ZFYVE28: variants seen among roughly 807,000 people sequenced by gnomAD.
ZFYVE28 encodes zinc finger FYVE-type containing 28.
A neutral mutation model predicts 82.1 loss-of-function variants in ZFYVE28; 40 were observed. The ratio of observed to expected loss-of-function variants is 0.49; its 90% CI spans 0.38 to 0.63. The LOEUF is 0.63. Among genes scored for constraint, ZFYVE28 ranks in the 30% least tolerant of loss-of-function variants. The pLI is 0.00. For missense variants in ZFYVE28, 1,321 were observed against 1,242.1 expected (o/e 1.06, Z -0.96); for synonymous variants, 612 against 546.1 (o/e 1.12, Z -1.68).
intron 8 of ZFYVE28, among the ~76,000 whole-genome samples, chr4:2,292,491 C>T (rs909644009): frequency 6.6e-6 from 1 of 152,062 alleles, no homozygotes; most frequent in Non-Finnish European, 1.5e-5. Flanking sequence ...AGGGCTGTGG[C>T]GAGGGCCAGA....
intron 2 of ZFYVE28, among the ~76,000 whole-genome samples, chr4:2,344,850 C>T (rs113268524): frequency 4.8e-4 from 73 of 152,032 alleles, no homozygotes; most frequent in African/African-American, 1.7e-3. Flanking sequence ...GAGCTGAGAT[C>T]ATGCCATTGC....
At chr4:2,304,049 G>A (rs990945385) in intron 8 of ZFYVE28, among the ~76,000 whole-genome samples, 6 of 152,242 alleles carry the variant, frequency 3.9e-5, no homozygotes, top group African/African-American at 1.2e-4. Flanking sequence ...CAGAAACAGG[G>A]AAGCGGGCCC....
intron 1 of ZFYVE28, among the ~76,000 whole-genome samples, chr4:2,354,496 T>A (rs1363141773): frequency 2.7e-5 from 4 of 150,110 alleles, no homozygotes; most frequent in Non-Finnish European, 5.9e-5. Context: ...TTCACTCTTG[T>A]TGCACAGGCT....
intron 2 of ZFYVE28, among the ~76,000 whole-genome samples, chr4:2,345,289 C>A (rs1375287503): frequency 1.3e-5 from 2 of 152,036 alleles, no homozygotes; most frequent in South Asian, 2.1e-4. Context: ...CAAAATCAAG[C>A]CAGACTTGAC....
chr4:2,405,134 G>T (rs1385173929), intron 1 of ZFYVE28, among the ~76,000 whole-genome samples: 4 of 152,180 alleles, frequency 2.6e-5, no homozygotes, highest in Non-Finnish European at 4.4e-5. Context: ...GCATATCCTT[G>T]GATAGTTCCA....
In ZFYVE28 at chr4:2,341,641, C is replaced by T. The variant is rs367547976; in HGVS notation, c.181-26G>A. ...CTGAAACAGAAGACAGGAGAAAGTG[C>T]GCCAATCGCTGTGTCCAGCTGGCGG... On this transcript the variant is annotated intron_variant, in intron 2 of 12. Transcript: ENST00000290974. This position sits in a 1 kb window ranked among gnomAD's most constrained non-coding sequence, Gnocchi z 4.5. 4.6e-5 allele frequency: 74 copies of T among 1,594,014 alleles called. No individual in the cohort carries two copies. The highest frequency in any genetic ancestry group is 2.2e-4 in the Admixed American group (13 of 59,512).
intron 2 of ZFYVE28, among the ~76,000 whole-genome samples, chr4:2,350,687 C>T (rs905601692): frequency 3.3e-5 from 5 of 152,134 alleles, no homozygotes; most frequent in Admixed American, 1.3e-4. Context: ...CCCCAACCTC[C>T]GGGGAGGGGA....
chr4:2,368,211 C>CAAAAAAAAAAAAAAAAAAAA (rs34092714), intron 1 of ZFYVE28, among the ~76,000 whole-genome samples: 5 of 86,182 alleles, frequency 5.8e-5, no homozygotes, highest in Admixed American at 1.6e-4. Context: ...CACATCTCTA[C>CAAAAAAAAAAAAAAAAAAAA]AAAAAAAAAA....
rs397757058 is a variant in ZFYVE28 at position 2,408,350 on chromosome 4, GC to G, written c.39+9934del. Among the ~76,000 whole-genome samples, 8 of 151,706 alleles carry G rather than the reference GC, an allele frequency of 5.3e-5. No individual in the cohort carries two copies. Among genetic ancestry groups the G allele is most frequent in the East Asian group, 1.9e-4 (1 of 5,150 alleles). On this transcript the variant is annotated intron_variant, in intron 1 of 12. Transcript: ENST00000290974. The surrounding 1 kb of genome is among the most constrained non-coding windows in gnomAD (Gnocchi z 4.3). Reference sequence around the variant, plus strand: ...CCCGCACCGAGAAGTGGAGGTGACAGCCCCCCCCATTTAATGGGGGCTGGCC... The same window carrying G: ...CCCGCACCGAGAAGTGGAGGTGACAGCCCCCCCATTTAATGGGGGCTGGCC...
intron 1 of ZFYVE28, among the ~76,000 whole-genome samples, chr4:2,406,893 TC>T (rs1410408695): frequency 6.9e-6 from 1 of 145,892 alleles, no homozygotes; most frequent in African/African-American, 2.5e-5. Flanking sequence ...AGTTATCCCT[TC>T]TTCTGGGACT....
chr4:2,304,674 C>T lies in ZFYVE28; in HGVS notation c.1666G>A (p.Ala556Thr), dbSNP rs1036327580. The T allele has an allele frequency of 6.2e-7, 1 of 1,612,584 alleles. No individual in the cohort carries two copies. The highest frequency in any genetic ancestry group is 8.5e-7 in the Non-Finnish European group (1 of 1,179,852). Residue 556 changes from alanine to threonine, a missense_variant, in exon 8 of 13, where the codon GCC becomes ACC. By Grantham distance (58) the Ala-to-Thr change is moderately conservative. Transcript: ENST00000290974. ...DGGPHKLSTG[A>T]TNCLLHSCVC... ...CAGGAATGCAGAAGGCAGTTGGTGG[C>T]CCCAGTGCTAAGCTTGTGGGGGCCG...
At position 2,416,898 on chromosome 4, in the gene ZFYVE28, T is replaced by C. The variant is rs1452236335; in HGVS notation, c.39+1387A>G. Among the ~76,000 whole-genome samples the C allele has an allele frequency of 5.3e-5, 8 of 150,914 alleles. No homozygotes were observed. On this transcript the variant is annotated intron_variant, in intron 1 of 12. Coordinates refer to ENST00000290974, the MANE Select transcript of ZFYVE28 (RefSeq NM_020972.3). The surrounding 1 kb of genome is among the most constrained non-coding windows in gnomAD (Gnocchi z 4.6). Reference sequence around the variant, plus strand: ...AACACTCCGGCAACGACAAACAGAATTCCCCGACCTCAAAGGCCGTGAAGC... The same window carrying C: ...AACACTCCGGCAACGACAAACAGAACTCCCCGACCTCAAAGGCCGTGAAGC...
chr4:2,399,773 G>C (rs1174322490), intron 1 of ZFYVE28, among the ~76,000 whole-genome samples: 1 of 152,260 alleles, frequency 6.6e-6, no homozygotes, highest in Non-Finnish European at 1.5e-5. Flanking sequence ...CTGACTTGGA[G>C]CAGAGCTCGG....
At chr4:2,375,681 C>T (rs747935800) in intron 1 of ZFYVE28, among the ~76,000 whole-genome samples, 5 of 151,948 alleles carry the variant, frequency 3.3e-5, no homozygotes, top group African/African-American at 9.7e-5. Context: ...AGGACTGTGC[C>T]GCCCCCACCT....
intron 1 of ZFYVE28, among the ~76,000 whole-genome samples, chr4:2,385,707 A>G (rs73791707): frequency 0.021 from 3,132 of 152,240 alleles, 117 homozygotes; most frequent in African/African-American, 0.067. Flanking sequence ...TCAGGACAGC[A>G]CGGGGCAGAT....
In ZFYVE28 at chr4:2,305,170, C is replaced by A. The variant is rs746367757; in HGVS notation, c.1170G>T (p.Leu390=). Reference sequence around the variant, plus strand: ...GCTCCTCCTCGTCACTGCCTGACCGCAGGCGCGGTCTACCTGGAGAGGCCT... The same window carrying A: ...GCTCCTCCTCGTCACTGCCTGACCGAAGGCGCGGTCTACCTGGAGAGGCCT... ...GGEASPGRPR[L]RSGSDEEERV... The change falls in exon 8 of 13, where the codon CTG becomes CTT. Residue 390 remains leucine (L), a synonymous_variant. Coordinates refer to ENST00000290974, the MANE Select transcript of ZFYVE28 (RefSeq NM_020972.3). 1.3e-6 allele frequency: 2 copies of A among 1,593,334 alleles called. No homozygotes were observed. The highest frequency in any genetic ancestry group is 2.2e-5 in the East Asian group (1 of 44,550).
intron 1 of ZFYVE28, among the ~76,000 whole-genome samples, chr4:2,385,752 C>T (rs1729192267): frequency 6.6e-6 from 1 of 152,196 alleles, no homozygotes; most frequent in Non-Finnish European, 1.5e-5. Context: ...ACAAAAAACA[C>T]ACCAGGCTTT....
chr4:2,300,905 C>T lies in ZFYVE28; in HGVS notation c.2051+3384G>A, dbSNP rs1469366841. ...ACGGCCAAACAGGCCCGGGCTCTTC[C>T]AGATGCTCTCAGCTGAGGCAAATAC... On this transcript the variant is annotated intron_variant, in intron 8 of 12. Coordinates refer to ENST00000290974, the MANE Select transcript of ZFYVE28 (RefSeq NM_020972.3). This position sits in a 1 kb window ranked among gnomAD's most constrained non-coding sequence, Gnocchi z 4.6. Among the ~76,000 whole-genome samples, 2 of 152,206 alleles carry T rather than the reference C, an allele frequency of 1.3e-5. No homozygotes were observed. The highest frequency in any genetic ancestry group is 4.8e-5 in the African/African-American group (2 of 41,454).
At chr4:2,389,078 G>C (rs1379332991) in intron 1 of ZFYVE28, among the ~76,000 whole-genome samples, 1 of 152,152 alleles carries the variant, frequency 6.6e-6, no homozygotes, top group Non-Finnish European at 1.5e-5. Flanking sequence ...TGGGACCCCA[G>C]ATTCTCTCCT....
Sources: gnomAD v4.1 joint callset for allele counts (sites outside exome capture counted in the v4.1 genomes callset) on GRCh38, gnomAD v4.1.1 for gene constraint, Gnocchi (gnomAD v3.1) non-coding constraint, MANE v1.5 for transcripts, NCBI Gene and HGNC (gene_info 2026-07-23, HGNC 2026-07-21) for gene names.